STON2: variants seen among roughly 807,000 people sequenced by gnomAD.
STON2 encodes the protein stonin-2.
A neutral mutation model predicts 65.7 loss-of-function variants in STON2; 29 were observed. The ratio of observed to expected loss-of-function variants is 0.44; its 90% CI spans 0.33 to 0.60. The LOEUF (loss-of-function observed/expected upper bound fraction) is 0.60, where lower values mean the gene tolerates loss of function less well. Ranked by LOEUF, STON2 falls within the 20% of genes least tolerant of loss-of-function variation. The probability of loss-of-function intolerance (pLI) is 0.03; values close to 1 mark genes in which losing one functional copy is unlikely to be tolerated. For missense variants in STON2, 1,054 were observed against 1,118.1 expected, an observed-to-expected ratio of 0.94 and a Z score of 0.82; for synonymous variants, 404 against 414.2, an observed-to-expected ratio of 0.98 and a Z score of 0.30.
chr14:81,337,098 T>C (rs1214915121), intron 4 of STON2, among the ~76,000 whole-genome samples: 1 of 152,022 alleles, frequency 6.6e-6, no homozygotes, highest in African/African-American at 2.4e-5. Context: ...TGGCAGTGCC[T>C]GGCAAATGGC....
At position 81,339,972 on chromosome 14, in the gene STON2, A is replaced by G. The variant is rs573009206; in HGVS notation, c.572-15785T>C. Among the ~76,000 whole-genome samples, 14 of 152,158 alleles carry G rather than the reference A, an allele frequency of 9.2e-5. No homozygotes were observed. In the South Asian group the frequency reaches 1.7e-3, roughly 18 times the overall value. On this transcript the variant is annotated intron_variant, in intron 4 of 7. Coordinates refer to ENST00000614646, the MANE Select transcript of STON2 (RefSeq NM_001394390.1). Reference sequence around the variant, plus strand: ...GATCAAGACCATCCTGGCTAACACGATGAAACCCCATCTCTACTAAAAATA... The same window carrying G: ...GATCAAGACCATCCTGGCTAACACGGTGAAACCCCATCTCTACTAAAAATA...
At chr14:81,382,233 GA>G (rs1003835420) in intron 3 of STON2, among the ~76,000 whole-genome samples, 1 of 151,598 alleles carries the variant, frequency 6.6e-6, no homozygotes, top group African/African-American at 2.4e-5. Context: ...AAAAAGAAAA[GA>G]AAAGAAAAGA....
chr14:81,305,728 A>AT (rs1461125762), intron 5 of STON2, among the ~76,000 whole-genome samples: 7 of 151,920 alleles, frequency 4.6e-5, no homozygotes, highest in African/African-American at 1.7e-4. Flanking sequence ...TAATTTATCA[A>AT]TTTTTTCCTT....
At chr14:81,414,758 C>T (rs913978041) in intron 2 of STON2, among the ~76,000 whole-genome samples, 2 of 151,850 alleles carry the variant, frequency 1.3e-5, no homozygotes, top group Non-Finnish European at 2.9e-5. Flanking sequence ...TTCCTGACAC[C>T]GCAGCCCATT....
chr14:81,315,101 A>G (rs866210161), intron 5 of STON2, among the ~76,000 whole-genome samples: 4 of 152,228 alleles, frequency 2.6e-5, no homozygotes, highest in Non-Finnish European at 5.9e-5. Context: ...AATGCAGAGG[A>G]AAACCTACAT....
At chr14:81,410,396 A>T (rs1255634951) in intron 2 of STON2, among the ~76,000 whole-genome samples, 1 of 151,672 alleles carries the variant, frequency 6.6e-6, no homozygotes, top group East Asian at 1.9e-4. Context: ...GTTATACTGC[A>T]TGGCAAAACA....
intron 3 of STON2, among the ~76,000 whole-genome samples, chr14:81,390,814 G>C (rs1016540287): frequency 3.3e-5 from 5 of 152,212 alleles, no homozygotes; most frequent in African/African-American, 1.2e-4. Context: ...TCTGAGATGA[G>C]AATCACTGTG....
chr14:81,386,655 T>C (rs905763438), intron 3 of STON2, among the ~76,000 whole-genome samples: 4 of 152,230 alleles, frequency 2.6e-5, no homozygotes, highest in Non-Finnish European at 4.4e-5. Context: ...TTTGTAATTA[T>C]GCACATCCTG....
At chr14:81,311,304 G>C (rs1896417639) in intron 5 of STON2, among the ~76,000 whole-genome samples, 4 of 152,104 alleles carry the variant, frequency 2.6e-5, no homozygotes. Flanking sequence ...GCTTTGCTCT[G>C]CTCTGCTCTG....
chr14:81,299,236 C>T (rs915183477), intron 5 of STON2, among the ~76,000 whole-genome samples: 2 of 152,038 alleles, frequency 1.3e-5, no homozygotes, highest in South Asian at 2.1e-4. Flanking sequence ...ACAGAATTAA[C>T]GTGTTATACA....
In STON2 at chr14:81,411,869, A is replaced by AGTTAAG. The variant is rs1555407743; in HGVS notation, c.-198-13290_-198-13289insCTTAAC. On this transcript the variant is annotated intron_variant, in intron 2 of 8. Transcript: ENST00000553821. ...ACAAATAAGCAGAGTTAAGACAAGG[A>AGTTAAG]ATAACAAGGAATCTTATACATAGAG... Among the ~76,000 whole-genome samples the AGTTAAG allele has an allele frequency of 3.0e-4, 43 of 142,058 alleles. 1 individual carries two copies. The highest frequency in any genetic ancestry group is 6.0e-4 in the African/African-American group (21 of 35,142). The allele number at this position is 142,058 out of a possible 152,430, so 93.2% of individuals were successfully genotyped here. A position where few individuals can be genotyped will look rare whatever the true frequency, so the allele number is the denominator to read the frequency against.
Position 81,277,708 on chromosome 14 carries a change from A to G in STON2, c.1774T>C (p.Tyr592His). The G allele has an allele frequency of 1.2e-6, 2 of 1,614,168 alleles. No homozygotes were observed. The highest frequency in any genetic ancestry group is 1.1e-5 in the South Asian group (1 of 91,074). Residue 592 changes from tyrosine (Y) to histidine (H), a missense_variant, in exon 6 of 8, where the codon TAC becomes CAC. Transcript: ENST00000614646. Reference protein sequence around the residue: ...EQVIKLGTTNYDDFLSFIHAV... With the variant: ...EQVIKLGTTNHDDFLSFIHAV... ...TGGATGAAACTCAGGAAGTCATCGTAATTGGTGGTGCCCAGCTTAATCACC... is the reference window on the plus strand; with the variant it reads ...TGGATGAAACTCAGGAAGTCATCGTGATTGGTGGTGCCCAGCTTAATCACC...
At chr14:81,348,022 A>C (rs3908316) in intron 4 of STON2, among the ~76,000 whole-genome samples, 151,052 of 151,730 alleles carry the variant, frequency 1, 75,190 homozygotes, top group South Asian at 1. Flanking sequence ...AGAAAAAAAA[A>C]CTAAAATCAT....
chr14:81,424,240 T>C (rs1901855480), intron 2 of STON2, among the ~76,000 whole-genome samples: 1 of 152,050 alleles, frequency 6.6e-6, no homozygotes, highest in Non-Finnish European at 1.5e-5. Context: ...TGTCAGGAGT[T>C]TGAGACCAGC....
Position 81,316,282 on chromosome 14 carries a change from G to A in STON2, c.742+7735C>T, listed in dbSNP as rs895613508. ...GTGAGAACTTCTAAATAGTCTCCTCGCCGTCTATTTCAGTGGTCAGGGCAG... is the reference window on the plus strand; with the variant it reads ...GTGAGAACTTCTAAATAGTCTCCTCACCGTCTATTTCAGTGGTCAGGGCAG... On this transcript the variant is annotated intron_variant, in intron 5 of 7. Coordinates refer to ENST00000614646, the MANE Select transcript of STON2 (RefSeq NM_001394390.1). Among the ~76,000 whole-genome samples, 70 of 152,226 alleles carry A rather than the reference G, an allele frequency of 4.6e-4. 1 individual carries two copies. The highest frequency in any genetic ancestry group is 1.5e-3 in the African/African-American group (63 of 41,538).
intron 4 of STON2, among the ~76,000 whole-genome samples, chr14:81,359,707 T>C (rs1898404728): frequency 1.3e-5 from 2 of 151,850 alleles, no homozygotes; most frequent in African/African-American, 4.8e-5. Flanking sequence ...ATCACAGAAA[T>C]ACAAAGGATA....
chr14:81,427,860 CT>C (rs1290449251), intron 1 of STON2, among the ~76,000 whole-genome samples: 1 of 152,170 alleles, frequency 6.6e-6, no homozygotes. Flanking sequence ...CCTGTTAACT[CT>C]TTAGAGCACA....
chr14:81,366,138 CA>C (rs1240724397), intron 4 of STON2, among the ~76,000 whole-genome samples: 1 of 152,194 alleles, frequency 6.6e-6, no homozygotes, highest in Non-Finnish European at 1.5e-5. Flanking sequence ...TGCCCCCCCG[CA>C]CCCTGTGATT....
chr14:81,337,984 C>T (rs987468586), intron 4 of STON2, among the ~76,000 whole-genome samples: 20 of 152,020 alleles, frequency 1.3e-4, no homozygotes, highest in African/African-American at 4.6e-4. Context: ...AAAAGAAAAA[C>T]ATGTTTGGTT....
Sources: gnomAD v4.1 joint callset for allele counts (sites outside exome capture counted in the v4.1 genomes callset) on GRCh38, gnomAD v4.1.1 for gene constraint, MANE v1.5 for transcripts, NCBI Gene and HGNC (gene_info 2026-07-23, HGNC 2026-07-21) for gene names.